Variants in CCNL1 observed in about 807,000 individuals in gnomAD.
CCNL1 encodes the protein cyclin L1.
A neutral mutation model predicts 60.6 loss-of-function variants in CCNL1; 13 were observed. That is an observed-to-expected ratio of 0.21 (90% CI 0.14 to 0.34). CCNL1 has a LOEUF of 0.34. Ranked by LOEUF, CCNL1 falls within the 10% of genes least tolerant of loss-of-function variation. The probability of loss-of-function intolerance (pLI) is 1.00; values close to 1 mark genes in which losing one functional copy is unlikely to be tolerated. For synonymous variants in CCNL1, 270 were observed against 244.3 expected, an observed-to-expected ratio of 1.10 and a Z score of -0.98; for missense variants, 481 against 664.3, an observed-to-expected ratio of 0.72 and a Z score of 3.03.
chr3:157,150,525 T>C, intron 5 of CCNL1, 144 bp from the exon 6 acceptor site: 2 of 1,390,564 alleles, frequency 1.4e-6, no homozygotes, highest in Non-Finnish European at 1.9e-6. Context: ...ATAACAACTC[T>C]TAACTCAAAA....
At chr3:157,147,482 A>C, downstream of CCNL1, 4 of 563,920 alleles carry the variant, frequency 7.1e-6, no homozygotes, top group Non-Finnish European at 6.7e-6. Flanking sequence ...TCAATAGGGT[A>C]CCTCATTTCA....
intron 4 of CCNL1, chr3:157,152,659 G>A (rs749515804): frequency 1.9e-5 from 20 of 1,078,582 alleles, no homozygotes; most frequent in Non-Finnish European, 2.1e-5. Context: ...ACAGTGAGCA[G>A]CCAACACACT....
intron 3 of CCNL1, 126 bp downstream of exon 3, chr3:157,158,740 C>T (rs964469576): frequency 3.4e-6 from 2 of 596,842 alleles, no homozygotes; most frequent in African/African-American, 3.8e-5. Context: ...TGAACTTTAA[C>T]ACCTAAATTA....
intron 5 of CCNL1, chr3:157,151,248 G>A: frequency 1.0e-6 from 1 of 985,388 alleles, no homozygotes; most frequent in Non-Finnish European, 1.2e-6. Flanking sequence ...GTCATAAAAA[G>A]GACATCTTGC....
At chr3:157,144,432 A>T (rs1577064867), downstream of CCNL1, among the ~76,000 whole-genome samples, 1 of 152,238 alleles carries the variant, frequency 6.6e-6, no homozygotes, top group African/African-American at 2.4e-5. Flanking sequence ...GCCAGTAGAC[A>T]AGAGGTAAAA....
chr3:157,148,246 G>A lies in CCNL1; in HGVS notation c.1576C>T (p.Arg526Cys), dbSNP rs746328075. The A allele has an allele frequency of 3.1e-6, 5 of 1,612,016 alleles. No individual in the cohort carries two copies. The highest frequency in any genetic ancestry group is 3.3e-5 in the Admixed American group (2 of 59,852). ...GSRSGHGRHR[R>C] ...AGGCTCAAAGGAAGAGAAAGTCAGC[G>A]CCTGTGCCTGCCATGTCCTGAGCGA... The change falls in exon 11 of 11, where the codon CGC becomes TGC. Residue 526 changes from arginine (R) to cysteine (C), a missense_variant. By Grantham distance (180) the Arg-to-Cys change is radical. Transcript: ENST00000295926.
chr3:157,159,757 G>A (rs574358328), intron 1 of CCNL1, 35 bp downstream of exon 1: 5 of 1,492,828 alleles, frequency 3.3e-6, no homozygotes, highest in South Asian at 1.3e-5. Context: ...GGAGAGGAGA[G>A]GAGCGCCCGG....
downstream of CCNL1, chr3:157,147,420 C>G (rs563090934): frequency 3.0e-5 from 7 of 232,460 alleles, no homozygotes; most frequent in Non-Finnish European, 4.9e-5. Context: ...ACATTAAATG[C>G]CTAAATTATA....
intron 10 of CCNL1, chr3:157,148,990 A>T (rs1737956756): frequency 8.9e-6 from 3 of 335,644 alleles, no homozygotes; most frequent in Non-Finnish European, 1.6e-5. Flanking sequence ...CACATTTTCT[A>T]ACTGAAATTA....
intron 3 of CCNL1, chr3:157,156,946 C>T: frequency 7.8e-7 from 1 of 1,289,804 alleles, no homozygotes; most frequent in Non-Finnish European, 1.0e-6. Context: ...CTGTTAGTCC[C>T]CGATTCCAGT....
chr3:157,159,676 G>T (rs1204029021), intron 1 of CCNL1, 116 bp downstream of exon 1: 6 of 1,134,606 alleles, frequency 5.3e-6, no homozygotes, highest in Middle Eastern at 3.0e-4. Context: ...GGCCCCGAAC[G>T]GGAAAGCCTG....
chr3:157,145,437 C>CAAAAAAAAAAA (rs56894231), downstream of CCNL1, among the ~76,000 whole-genome samples: 10 of 24,264 alleles, frequency 4.1e-4, 1 homozygote, highest in Admixed American at 1.6e-3. Flanking sequence ...GACTTCATCT[C>CAAAAAAAAAAA]AAAAAAAAAA....
chr3:157,147,571 A>T lies in CCNL1; in HGVS notation c.*670T>A. On this transcript the variant is annotated 3_prime_UTR_variant, in exon 11 of 11. Transcript: ENST00000295926. ...AATCAGGTTTTTTGGTTTAGTGCTA[A>T]AATATAACATTTAATGTCACATTGT... The T allele has an allele frequency of 2.0e-6, 2 of 985,320 alleles. No individual in the cohort carries two copies. The highest frequency in any genetic ancestry group is 2.4e-6 in the Non-Finnish European group (2 of 829,840). The allele number at this position is 985,320 out of a possible 1,614,324, so 61.0% of individuals were successfully genotyped here. A position where few individuals can be genotyped will look rare whatever the true frequency, so the allele number is the denominator to read the frequency against.
intron 1 of CCNL1, 78 bp downstream of exon 1, chr3:157,159,714 A>C: frequency 7.7e-7 from 1 of 1,295,898 alleles, no homozygotes; most frequent in Non-Finnish European, 1.0e-6. Flanking sequence ...CTCCCGGGGC[A>C]CGGTGATACT....
intron 8 of CCNL1, 83 bp from the exon 9 acceptor site, chr3:157,149,679 C>A (rs1738021583): frequency 6.8e-7 from 1 of 1,470,456 alleles, no homozygotes; most frequent in African/African-American, 1.4e-5. Flanking sequence ...ACTCAAAGTA[C>A]CATGCTTCCG....
In CCNL1 at chr3:157,149,472, C is replaced by G; in HGVS notation, c.1133+13G>C. The G allele has an allele frequency of 6.2e-7, 1 of 1,612,058 alleles. No individual in the cohort carries two copies. Among genetic ancestry groups the G allele is most frequent in the Non-Finnish European group, 8.5e-7 (1 of 1,178,184 alleles). The stretch of plus-strand genomic sequence containing the variant: ...GATTCCTCAAGCCAGTTTTCCAGCC[C>G]AAGTATACTCACCCATTGTAAGGGC... On this transcript the variant is annotated intron_variant, in intron 9 of 10. Transcript: ENST00000295926.
At chr3:157,144,849 T>C (rs866228418), downstream of CCNL1, among the ~76,000 whole-genome samples, 2 of 152,122 alleles carry the variant, frequency 1.3e-5, no homozygotes, top group African/African-American at 4.8e-5. Flanking sequence ...AGTTAAGAAA[T>C]GGCTCTTAGA....
chr3:157,150,023 G>T (rs745336900), intron 7 of CCNL1, 42 bp downstream of exon 7: 5 of 1,609,764 alleles, frequency 3.1e-6, no homozygotes, highest in Non-Finnish European at 4.2e-6. Context: ...AGAGTAGCTT[G>T]GACTCTTAGC....
Position 157,147,814 on chromosome 3 carries a change from T to C in CCNL1, c.*427A>G. 2.0e-6 allele frequency: 2 copies of C among 985,642 alleles called. No individual in the cohort carries two copies. Among genetic ancestry groups the C allele is most frequent in the Non-Finnish European group, 2.4e-6 (2 of 829,488 alleles). The allele number at this position is 985,642 out of a possible 1,614,324, so 61.1% of individuals were successfully genotyped here. The stretch of plus-strand genomic sequence containing the variant: ...GAAGCAGTTTAGAAAAAACAAGATT[T>C]GTATTTTATTTCCTTGTAAAAATCT... On this transcript the variant is annotated 3_prime_UTR_variant, in exon 11 of 11. Coordinates refer to ENST00000295926, the MANE Select transcript of CCNL1 (RefSeq NM_020307.4).
Sources: gnomAD v4.1 joint callset for allele counts (sites outside exome capture counted in the v4.1 genomes callset) on GRCh38, gnomAD v4.1.1 for gene constraint, MANE v1.5 for transcripts, NCBI Gene and HGNC (gene_info 2026-07-23, HGNC 2026-07-21) for gene names.